Variants in SPDL1 observed in about 807,000 individuals in gnomAD.
SPDL1 encodes protein Spindly.
A neutral mutation model predicts 79.5 loss-of-function variants in SPDL1; 85 were observed. The observed-to-expected ratio is 1.07, with a 90% CI of 0.90 to 1.28. SPDL1 has a LOEUF of 1.28. SPDL1 is among the 50% of genes most tolerant of loss of function. The pLI, the probability that SPDL1 is intolerant of heterozygous loss-of-function variation, is 0.00. For synonymous variants in SPDL1, 269 were observed against 240.3 expected (o/e 1.12, Z -1.10); for missense variants, 703 against 697.8 (o/e 1.01, Z -0.08).
chr5:169,595,016 C>G (rs1475553780), intron 7 of SPDL1, among the ~76,000 whole-genome samples: 1 of 152,100 alleles, frequency 6.6e-6, no homozygotes, highest in Non-Finnish European at 1.5e-5. Context: ...AAGCATAGCC[C>G]TAGGGTTCCT....
chr5:169,594,547 ATTAAGCATG>A lies in SPDL1; in HGVS notation c.781-19_781-11del. The A allele has an allele frequency of 6.2e-7, 1 of 1,611,860 alleles. No individual in the cohort carries two copies. Among genetic ancestry groups the A allele is most frequent in the Non-Finnish European group, 8.5e-7 (1 of 1,177,964 alleles). On this transcript the variant is annotated splice_polypyrimidine_tract_variant and intron_variant, in intron 6 of 11. Transcript: ENST00000265295. ...GGTATTTTCATTTACTACCAGAACA[ATTAAGCATG>A]TTAATATTTTGTAGGTGGAAGATCG...
At chr5:169,588,634 G>A (rs757197364) in intron 2 of SPDL1, 59 bp downstream of exon 2, 363 of 1,464,182 alleles carry the variant, frequency 2.5e-4, no homozygotes, top group Non-Finnish European at 3.1e-4. Flanking sequence ...GATTTGTCCT[G>A]TTTAGCAATT....
intron 10 of SPDL1, among the ~76,000 whole-genome samples, chr5:169,600,020 A>ATG (rs1755799879): frequency 3.3e-5 from 5 of 152,198 alleles, no homozygotes; most frequent in African/African-American, 1.2e-4. Context: ...TGCATCTTAT[A>ATG]TACTACAGAG....
chr5:169,604,273 C>G lies in SPDL1; in HGVS notation c.*66C>G. The G allele has an allele frequency of 2.1e-6, 3 of 1,397,820 alleles. No individual in the cohort carries two copies. The highest frequency in any genetic ancestry group is 2.9e-6 in the Non-Finnish European group (3 of 1,046,672). The allele number at this position is 1,397,820 out of a possible 1,614,324, so 86.6% of individuals were successfully genotyped here. A position where few individuals can be genotyped will look rare whatever the true frequency, so the allele number is the denominator to read the frequency against. Reference sequence around the variant, plus strand: ...AAGTTACTATGGTGCTTAAGATTGTCTTGATCTGACATATATCACCTTCTG... The same window carrying G: ...AAGTTACTATGGTGCTTAAGATTGTGTTGATCTGACATATATCACCTTCTG... On this transcript the variant is annotated 3_prime_UTR_variant, in exon 12 of 12. Transcript: ENST00000265295.
At chr5:169,584,179 C>T (rs546335888) in intron 1 of SPDL1, 2 of 152,200 alleles carry the variant, frequency 1.3e-5, no homozygotes, top group Non-Finnish European at 2.9e-5. Flanking sequence ...ACGGTAGCCT[C>T]TAGCCCGAAC....
intron 10 of SPDL1, 140 bp from the exon 11 acceptor site, chr5:169,601,138 CAA>C: frequency 1.5e-6 from 1 of 654,184 alleles, no homozygotes; most frequent in South Asian, 2.3e-5. Context: ...AAGGTAGAAA[CAA>C]AGGATGCATT....
chr5:169,603,724 C>T (rs535597921), intron 11 of SPDL1, among the ~76,000 whole-genome samples: 2 of 152,088 alleles, frequency 1.3e-5, no homozygotes, highest in African/African-American at 2.4e-5. Context: ...TGTGGGGGTG[C>T]GCACCTATAG....
intron 11 of SPDL1, 37 bp from the exon 12 acceptor site, chr5:169,604,023 A>G (rs1426784195): frequency 1.3e-6 from 2 of 1,580,544 alleles, no homozygotes; most frequent in Non-Finnish European, 1.7e-6. Context: ...CTTCATAACC[A>G]CATTTGAATT....
At chr5:169,591,724 A>G (rs976242448) in intron 3 of SPDL1, among the ~76,000 whole-genome samples, 1 of 152,266 alleles carries the variant, frequency 6.6e-6, no homozygotes, top group Non-Finnish European at 1.5e-5. Context: ...CATATACCAG[A>G]TGAAAGAGCC....
At chr5:169,586,741 C>T (rs1352430747) in intron 1 of SPDL1, among the ~76,000 whole-genome samples, 1 of 152,180 alleles carries the variant, frequency 6.6e-6, no homozygotes, top group Non-Finnish European at 1.5e-5. Context: ...CCTTCAAAAT[C>T]TGGCCATTTC....
At position 169,588,491 on chromosome 5, in the gene SPDL1, G is replaced by A; in HGVS notation, c.75G>A (p.Gln25=). The A allele has an allele frequency of 6.2e-7, 1 of 1,613,956 alleles. No individual in the cohort carries two copies. Among genetic ancestry groups the A allele is most frequent in the Non-Finnish European group, 8.5e-7 (1 of 1,179,892 alleles). ...AAGAAGAGCGACTAAAAGCTGCACA[G>A]TATGGTTTACAACTAGTAGAGAGTC... ...EAEEERLKAA[Q]YGLQLVESQN... Residue 25 remains glutamine, a synonymous_variant, in exon 2 of 12, where the codon CAG becomes CAA. Transcript: ENST00000265295.
chr5:169,599,704 T>G (rs182290264), intron 10 of SPDL1, among the ~76,000 whole-genome samples: 105 of 152,308 alleles, frequency 6.9e-4, no homozygotes, highest in South Asian at 3.7e-3. Flanking sequence ...CCTCACCTGC[T>G]GACAGGAAGG....
At position 169,591,224 on chromosome 5, in the gene SPDL1, G is replaced by A; in HGVS notation, c.336G>A (p.Lys112=). ...HGQEVNELKT[K]IEKLKVELDE... ...AGGAAGTGAATGAACTAAAAACTAA[G>A]GTTGGGATATCTGCGTATTTCAGCA... is the stretch of plus-strand genomic sequence containing the variant. The change falls in exon 3 of 12, where the codon AAG becomes AAA. Residue 112 remains lysine, a splice_region_variant and synonymous_variant. Coordinates refer to ENST00000265295, the MANE Select transcript of SPDL1 (RefSeq NM_017785.5). 6.2e-7 allele frequency: 1 copy of A among 1,611,764 alleles called. No individual in the cohort carries two copies. Among genetic ancestry groups the A allele is most frequent in the Non-Finnish European group, 8.5e-7 (1 of 1,178,982 alleles).
Position 169,598,964 on chromosome 5 carries a change from T to C in SPDL1, c.1137-8T>C. 1.3e-6 allele frequency: 2 copies of C among 1,522,800 alleles called. No homozygotes were observed. Among genetic ancestry groups the C allele is most frequent in the Non-Finnish European group, 1.8e-6 (2 of 1,133,864 alleles). 94.3% of individuals were successfully genotyped at this position (1,522,800 alleles called of 1,614,324 possible). On this transcript the variant is annotated splice_polypyrimidine_tract_variant and splice_region_variant and intron_variant, in intron 9 of 11. Coordinates refer to ENST00000265295, the MANE Select transcript of SPDL1 (RefSeq NM_017785.5). The stretch of plus-strand genomic sequence containing the variant: ...ATACTCGTTGGTTCTCCTTTTTTAT[T>C]ATCATAGCAAAGAAATTGAAAGCAC...
intron 11 of SPDL1, among the ~76,000 whole-genome samples, chr5:169,603,669 C>T (rs186602293): frequency 0.01 from 1,536 of 152,218 alleles, 26 homozygotes; most frequent in African/African-American, 0.035. Context: ...TCCTGACCAA[C>T]GTGGTGAAAC....
chr5:169,592,394 T>C (rs865789509), intron 3 of SPDL1, among the ~76,000 whole-genome samples: 1 of 151,904 alleles, frequency 6.6e-6, no homozygotes, highest in Non-Finnish European at 1.5e-5. Context: ...ATTTTTGTAT[T>C]TTAATAGAGA....
At chr5:169,596,786 TAATA>T (rs1283268133) in intron 8 of SPDL1, 85 bp downstream of exon 8, 18 of 1,141,378 alleles carry the variant, frequency 1.6e-5, no homozygotes, top group South Asian at 3.1e-5. Flanking sequence ...TTTAAATTAT[TAATA>T]AATATCTTGT....
At position 169,594,582 on chromosome 5, in the gene SPDL1, A is replaced by C; in HGVS notation, c.792A>C (p.Arg264=). The change falls in exon 7 of 12, where the codon CGA becomes CGC. Residue 264 remains arginine, a synonymous_variant. Coordinates refer to ENST00000265295, the MANE Select transcript of SPDL1 (RefSeq NM_017785.5). ...GNSLFAEVED[R]RAAMERQLIS... ...TTAATATTTTGTAGGTGGAAGATCG[A>C]AGGGCAGCAATGGAACGTCAGCTCA... 6.2e-7 allele frequency: 1 copy of C among 1,613,956 alleles called. No individual in the cohort carries two copies. The highest frequency in any genetic ancestry group is 8.5e-7 in the Non-Finnish European group (1 of 1,179,846).
chr5:169,598,407 T>G, intron 8 of SPDL1, 69 bp from the exon 9 acceptor site: 1 of 967,822 alleles, frequency 1.0e-6, no homozygotes, highest in Non-Finnish European at 1.6e-6. Flanking sequence ...GATGGTGCTA[T>G]TATTAATAAA....
Sources: gnomAD v4.1 joint callset for allele counts (sites outside exome capture counted in the v4.1 genomes callset) on GRCh38, gnomAD v4.1.1 for gene constraint, MANE v1.5 for transcripts, NCBI Gene and HGNC (gene_info 2026-07-23, HGNC 2026-07-21) for gene names.